The following MDGA2 variants were observed in gnomAD, a reference collection of about 807,000 sequenced individuals.
The protein encoded by MDGA2 is MAM domain containing glycosylphosphatidylinositol anchor 2.
MDGA2 carries 40 observed loss-of-function variants against 117.8 expected under a neutral mutation model. The observed-to-expected ratio is 0.34, with a 90% CI of 0.26 to 0.44. The LOEUF (loss-of-function observed/expected upper bound fraction) is 0.44, where lower values mean the gene tolerates loss of function less well. Ranked by LOEUF, MDGA2 falls within the 20% of genes least tolerant of loss-of-function variation. The pLI is 1.00. For synonymous variants in MDGA2, 452 were observed against 439.0 expected (o/e 1.03, Z -0.37); for missense variants, 1,123 against 1,250.6 (o/e 0.90, Z 1.54).
chr14:47,158,178 C>T (rs1036843925), intron 3 of MDGA2, among the ~76,000 whole-genome samples: 1 of 152,120 alleles, frequency 6.6e-6, no homozygotes, highest in Non-Finnish European at 1.5e-5. Flanking sequence ...TGTGTTACGA[C>T]TGCTTACAGC....
At chr14:47,177,858 G>T (rs1358260119) in intron 3 of MDGA2, among the ~76,000 whole-genome samples, 1 of 151,968 alleles carries the variant, frequency 6.6e-6, no homozygotes, top group Non-Finnish European at 1.5e-5. Context: ...TATGTATGTG[G>T]TGTGTGTGTA....
chr14:47,271,708 T>A (rs1421230291), intron 2 of MDGA2, among the ~76,000 whole-genome samples: 1 of 152,182 alleles, frequency 6.6e-6, no homozygotes. Flanking sequence ...TCAATAATGT[T>A]AGAAAATAGC....
intron 9 of MDGA2, among the ~76,000 whole-genome samples, chr14:46,940,214 T>C (rs1173176340): frequency 2.0e-5 from 3 of 152,216 alleles, no homozygotes; most frequent in African/African-American, 7.2e-5. Flanking sequence ...AAGGATTGAC[T>C]AAATCTCTAG....
At chr14:47,659,041 C>T (rs912958213) in intron 1 of MDGA2, among the ~76,000 whole-genome samples, 1 of 152,148 alleles carries the variant, frequency 6.6e-6, no homozygotes. Flanking sequence ...GGGTCGGTTT[C>T]CTGGAGAAGT....
chr14:47,508,314 A>C (rs1011895562), intron 1 of MDGA2, among the ~76,000 whole-genome samples: 72 of 150,770 alleles, frequency 4.8e-4, no homozygotes, highest in African/African-American at 1.7e-3. Context: ...ATGTAGAGTT[A>C]ATTAGTGGCA....
intron 1 of MDGA2, among the ~76,000 whole-genome samples, chr14:47,423,783 TTTTATTTAACTA>T (rs1159349128): frequency 6.7e-6 from 1 of 149,782 alleles, no homozygotes; most frequent in African/African-American, 2.5e-5. Context: ...ACACTGTTTA[TTTTATTTAACTA>T]TTTATTTTAT....
chr14:47,294,923 T>G lies in MDGA2; in HGVS notation c.420+6488A>C, dbSNP rs1022055005. ...AGCATCAATAACTCTGCAACAGCCT[T>G]GGTAGTTAAAAATGCATTTATACAA... On this transcript the variant is annotated intron_variant, in intron 2 of 16. Coordinates refer to ENST00000399232, the MANE Select transcript of MDGA2 (RefSeq NM_001113498.3). Among the ~76,000 whole-genome samples the G allele has an allele frequency of 6.6e-5, 10 of 152,180 alleles. 1 individual carries two copies. Among genetic ancestry groups the G allele is most frequent in the Admixed American group, 6.5e-4 (10 of 15,276 alleles).
At chr14:47,536,832 T>A (rs1895221501) in intron 1 of MDGA2, among the ~76,000 whole-genome samples, 1 of 152,244 alleles carries the variant, frequency 6.6e-6, no homozygotes. Context: ...ATGGGTTAAA[T>A]AACCAATAGT....
At chr14:47,588,237 G>GATATATATAT (rs536923185) in intron 1 of MDGA2, among the ~76,000 whole-genome samples, 5 of 123,864 alleles carry the variant, frequency 4.0e-5, no homozygotes. Flanking sequence ...GAGATAGATA[G>GATATATATAT]ATATATATAT....
chr14:47,389,070 T>G (rs1162643269), intron 1 of MDGA2, among the ~76,000 whole-genome samples: 1 of 152,188 alleles, frequency 6.6e-6, no homozygotes, highest in Admixed American at 6.5e-5. Context: ...TTATATAAAG[T>G]TATGCATTAT....
chr14:47,654,378 G>A (rs997048309), intron 1 of MDGA2, among the ~76,000 whole-genome samples: 14 of 152,022 alleles, frequency 9.2e-5, no homozygotes, highest in African/African-American at 3.4e-4. Context: ...CAATGAAGAT[G>A]ACTCTTCCCT....
At chr14:47,262,364 G>T (rs557948553) in intron 2 of MDGA2, among the ~76,000 whole-genome samples, 178 of 152,246 alleles carry the variant, frequency 1.2e-3, no homozygotes, top group African/African-American at 4.2e-3. Flanking sequence ...GAGTTAACAT[G>T]ACTTAATCTT....
chr14:47,537,339 G>C lies in MDGA2; in HGVS notation c.280+137178C>G, dbSNP rs567778111. 7.5e-3 allele frequency among the ~76,000 whole-genome samples: 1,118 copies of C among 149,078 alleles called. 13 individuals carry two copies. The highest frequency in any genetic ancestry group is 0.026 in the African/African-American group (1,041 of 40,460). ...GGGGAGGGGGGAGGGATAGCATTAGGAGATATACCTAATGTAAATGACGAG... is the reference window on the plus strand; with the variant it reads ...GGGGAGGGGGGAGGGATAGCATTAGCAGATATACCTAATGTAAATGACGAG... On this transcript the variant is annotated intron_variant, in intron 1 of 16. Coordinates refer to ENST00000399232, the MANE Select transcript of MDGA2 (RefSeq NM_001113498.3).
chr14:46,854,466 A>G (rs1271439724), intron 15 of MDGA2, among the ~76,000 whole-genome samples: 1 of 151,774 alleles, frequency 6.6e-6, no homozygotes, highest in Non-Finnish European at 1.5e-5. Flanking sequence ...GGCAGTCTTT[A>G]CAATTTCTAT....
intron 2 of MDGA2, 92 bp downstream of exon 2, chr14:47,301,319 A>C (rs1480083945): frequency 8.3e-7 from 1 of 1,201,662 alleles, no homozygotes; most frequent in Non-Finnish European, 1.2e-6. Flanking sequence ...ACACACACAC[A>C]CAGTTTTAGC....
At chr14:47,047,896 G>A (rs1889320577) in intron 7 of MDGA2, among the ~76,000 whole-genome samples, 2 of 151,684 alleles carry the variant, frequency 1.3e-5, no homozygotes, top group Admixed American at 1.3e-4. Context: ...TTTTACATGA[G>A]GATACTATTT....
At chr14:47,131,892 C>T (rs1188673468) in intron 4 of MDGA2, 46 bp from the exon 5 acceptor site, 1 of 1,443,228 alleles carries the variant, frequency 6.9e-7, no homozygotes, top group Admixed American at 2.0e-5. Context: ...AAAGCCAACA[C>T]AACCAGAATG....
At chr14:47,251,682 C>A (rs1483905661) in intron 2 of MDGA2, among the ~76,000 whole-genome samples, 1 of 152,092 alleles carries the variant, frequency 6.6e-6, no homozygotes, top group Non-Finnish European at 1.5e-5. Flanking sequence ...GTTCAAATTT[C>A]CCATAAATCA....
rs766868909 is a variant in MDGA2 at position 47,062,275 on chromosome 14, A to G, written c.1196-697T>C. Among the ~76,000 whole-genome samples, 127 of 152,026 alleles carry G rather than the reference A, an allele frequency of 8.4e-4. 3 individuals carry two copies. Among genetic ancestry groups the G allele is most frequent in the Non-Finnish European group, 2.5e-4 (17 of 67,938 alleles). ...TGCGGATGACCAAAAGAACCTCTCCACAGACAGCTTAGAAAACAGGTTTGT... is the reference window on the plus strand; with the variant it reads ...TGCGGATGACCAAAAGAACCTCTCCGCAGACAGCTTAGAAAACAGGTTTGT... On this transcript the variant is annotated intron_variant, in intron 6 of 16. Transcript: ENST00000399232.
Sources: allele counts gnomAD v4.1 joint callset (sites outside exome capture counted in the v4.1 genomes callset), GRCh38; gene constraint gnomAD v4.1.1; transcripts MANE v1.5; gene names NCBI Gene and HGNC (gene_info 2026-07-23, HGNC 2026-07-21).